The following MAK variants were observed in gnomAD, a reference collection of about 807,000 sequenced individuals.
MAK encodes male germ cell associated kinase, also known as serine/threonine-protein kinase MAK.
MAK carries 65 observed loss-of-function variants against 82.6 expected under a neutral mutation model. The observed-to-expected ratio is 0.79, with a 90% CI of 0.64 to 0.97. The LOEUF is 0.97. MAK is among the 50% of genes least tolerant of loss of function. MAK has a pLI of 0.00. For synonymous variants in MAK, 250 were observed against 274.2 expected (o/e 0.91, Z 0.87); for missense variants, 703 against 780.2 (o/e 0.90, Z 1.18).
At chr6:10,833,486 C>T (rs1778955429) in intron 1 of MAK, among the ~76,000 whole-genome samples, 1 of 151,942 alleles carries the variant, frequency 6.6e-6, no homozygotes, top group Admixed American at 6.6e-5. Flanking sequence ...AGGCCTGTAG[C>T]CCTAGTTACT....
At chr6:10,823,422 C>A (rs1412395458) in intron 2 of MAK, among the ~76,000 whole-genome samples, 1 of 152,170 alleles carries the variant, frequency 6.6e-6, no homozygotes, top group African/African-American at 2.4e-5. Context: ...AAAACACCTT[C>A]CAGGTAATCA....
chr6:10,785,752 C>T (rs1774483102), intron 10 of MAK, among the ~76,000 whole-genome samples: 1 of 152,222 alleles, frequency 6.6e-6, no homozygotes, highest in Non-Finnish European at 1.5e-5. Flanking sequence ...ACTCCCAGAG[C>T]TCCTTGCAGC....
chr6:10,785,118 C>G (rs1465313707), intron 10 of MAK, among the ~76,000 whole-genome samples: 1 of 152,172 alleles, frequency 6.6e-6, no homozygotes, highest in Non-Finnish European at 1.5e-5. Context: ...TGGCTAAGCA[C>G]CTCGCTAGCT....
intron 14 of MAK, among the ~76,000 whole-genome samples, chr6:10,766,028 C>T (rs1411180079): frequency 6.6e-6 from 1 of 152,202 alleles, no homozygotes; most frequent in Non-Finnish European, 1.5e-5. Flanking sequence ...CTTCTTCAGT[C>T]CCTCCTTCAC....
intron 9 of MAK, among the ~76,000 whole-genome samples, chr6:10,792,854 A>G (rs141398132): frequency 2.6e-4 from 39 of 152,288 alleles, no homozygotes; most frequent in African/African-American, 7.0e-4. Flanking sequence ...AGGCACAACA[A>G]TCTCCAGAAT....
chr6:10,792,244 G>A (rs1200475520), intron 9 of MAK, among the ~76,000 whole-genome samples: 1 of 152,212 alleles, frequency 6.6e-6, no homozygotes, highest in South Asian at 2.1e-4. Flanking sequence ...GCATGTGCCA[G>A]CATCTTTTAC....
In MAK at chr6:10,796,135, G is replaced by T; in HGVS notation, c.1006C>A (p.Gln336Lys). 2.5e-6 allele frequency: 4 copies of T among 1,614,080 alleles called. No homozygotes were observed. Among genetic ancestry groups the T allele is most frequent in the Non-Finnish European group, 2.5e-6 (3 of 1,180,016 alleles). ...AGTGGCTGCTGGCTAGTTTTTGGCT[G>T]GGGTTGTCCAACAACCTGATCGATT... ...DIIDQVVGQP[Q>K]PKTSQQPLQP... Residue 336 changes from glutamine to lysine, a missense_variant, in exon 9 of 15, where the codon CAG (glutamine) becomes AAG (lysine). Gln to Lys is a moderately conservative substitution (Grantham distance 53, BLOSUM62 1). Coordinates refer to ENST00000354489, the MANE Select transcript of MAK (RefSeq NM_001242957.3).
intron 14 of MAK, 174 bp downstream of exon 14, chr6:10,769,937 A>T: frequency 1.6e-6 from 2 of 1,252,018 alleles, no homozygotes; most frequent in South Asian, 2.8e-5. Context: ...TAGACCCTCA[A>T]ATCCTCATTT....
intron 13 of MAK, among the ~76,000 whole-genome samples, chr6:10,772,492 T>C (rs1773101341): frequency 6.6e-6 from 1 of 151,998 alleles, no homozygotes; most frequent in African/African-American, 2.4e-5. Flanking sequence ...TACAGGTGCA[T>C]GCCACCACAC....
chr6:10,782,694 C>T (rs1468855574), intron 11 of MAK, among the ~76,000 whole-genome samples: 3 of 151,664 alleles, frequency 2.0e-5, no homozygotes, highest in Non-Finnish European at 4.4e-5. Context: ...TCTCCTGCCT[C>T]AGCCTCCCGA....
intron 11 of MAK, among the ~76,000 whole-genome samples, chr6:10,782,012 C>T (rs1774013753): frequency 6.6e-6 from 1 of 152,198 alleles, no homozygotes; most frequent in East Asian, 1.9e-4. Context: ...TCAAGACCAA[C>T]CTGGCCAACA....
chr6:10,833,515 G>A (rs558363041), intron 1 of MAK, among the ~76,000 whole-genome samples: 43 of 152,030 alleles, frequency 2.8e-4, no homozygotes, highest in Non-Finnish European at 4.4e-4. Flanking sequence ...TGAGGTAGGA[G>A]AATCACTTGA....
chr6:10,773,069 T>A lies in MAK; in HGVS notation c.1637A>T (p.Asn546Ile). The change falls in exon 13 of 15, where the codon AAT (asparagine) becomes ATT (isoleucine). Residue 546 changes from asparagine (N) to isoleucine (I), a missense_variant. Coordinates refer to ENST00000354489, the MANE Select transcript of MAK (RefSeq NM_001242957.3). ...IIKPIEKLSC[N>I]ETFPEKLEDP... ...CTCTAATTTTTCAGGAAAAGTTTCA[T>A]TGCATGATAGTTTTTCGATTGGTTT... 1 of 1,531,928 alleles carries A rather than the reference T, an allele frequency of 6.5e-7. No individual in the cohort carries two copies. The highest frequency in any genetic ancestry group is 8.7e-7 in the Non-Finnish European group (1 of 1,143,640). The allele number at this position is 1,531,928 out of a possible 1,614,324, so 94.9% of individuals were successfully genotyped here. A position where few individuals can be genotyped will look rare whatever the true frequency, so the allele number is the denominator to read the frequency against.
At chr6:10,815,569 G>A (rs1777401277) in intron 4 of MAK, among the ~76,000 whole-genome samples, 2 of 152,072 alleles carry the variant, frequency 1.3e-5, no homozygotes, top group Admixed American at 6.6e-5. Context: ...GCTACAGTGA[G>A]CCATGTTTGC....
chr6:10,776,506 G>C lies in MAK; in HGVS notation c.1466-1047C>G, dbSNP rs1048523167. ...TCTATGCCTTTTGGTCATTCACGGAGAGTTTTCTTTATCTAGTGTAGAAAT... is the reference window on the plus strand; with the variant it reads ...TCTATGCCTTTTGGTCATTCACGGACAGTTTTCTTTATCTAGTGTAGAAAT... On this transcript the variant is annotated intron_variant, in intron 11 of 14. Coordinates refer to ENST00000354489, the MANE Select transcript of MAK (RefSeq NM_001242957.3). This position sits in a 1 kb window ranked among gnomAD's most constrained non-coding sequence, Gnocchi z 4.3. Among the ~76,000 whole-genome samples, 1 of 152,092 alleles carries C rather than the reference G, an allele frequency of 6.6e-6. No homozygotes were observed. The highest frequency in any genetic ancestry group is 1.5e-5 in the Non-Finnish European group (1 of 68,026).
intron 2 of MAK, chr6:10,829,267 C>A (rs1451698874): frequency 1.3e-5 from 2 of 152,178 alleles, no homozygotes; most frequent in African/African-American, 4.8e-5. Context: ...TAAAAACAAA[C>A]AAATTAACAA....
At chr6:10,829,591 C>G (rs1778621278) in intron 2 of MAK, among the ~76,000 whole-genome samples, 1 of 152,026 alleles carries the variant, frequency 6.6e-6, no homozygotes, top group Admixed American at 6.6e-5. Context: ...AAAACGAAAA[C>G]CAACAAATAA....
intron 7 of MAK, chr6:10,802,305 G>T: frequency 2.4e-6 from 1 of 420,174 alleles, no homozygotes. Flanking sequence ...TTTTTTGTTT[G>T]TTTTTTTGTG....
chr6:10,817,742 A>G, intron 4 of MAK, 108 bp downstream of exon 4: 1 of 947,402 alleles, frequency 1.1e-6, no homozygotes, highest in Non-Finnish European at 1.6e-6. Flanking sequence ...GTTAATTTAA[A>G]TTTACCTTTT....
Sources: gnomAD v4.1 joint callset for allele counts (sites outside exome capture counted in the v4.1 genomes callset) on GRCh38, gnomAD v4.1.1 for gene constraint, Gnocchi (gnomAD v3.1) non-coding constraint, MANE v1.5 for transcripts, NCBI Gene and HGNC (gene_info 2026-07-23, HGNC 2026-07-21) for gene names.